Variants in COL5A1 observed in about 807,000 individuals in gnomAD.
COL5A1 encodes collagen alpha-1(V) chain.
Under a neutral mutation model 263.7 loss-of-function variants are expected in COL5A1, and 16 were observed. The ratio of observed to expected loss-of-function variants is 0.06; its 90% CI spans 0.04 to 0.09. COL5A1 has a LOEUF of 0.09. COL5A1 is among the 10% of genes least tolerant of loss of function. The probability of loss-of-function intolerance (pLI) is 1.00; values close to 1 mark genes in which losing one functional copy is unlikely to be tolerated. For synonymous variants in COL5A1, 1,012 were observed against 1,004.5 expected (o/e 1.01, Z -0.14); for missense variants, 2,036 against 2,540.5 (o/e 0.80, Z 4.27).
At chr9:134,719,608 G>A (rs977876898) in intron 4 of COL5A1, among the ~76,000 whole-genome samples, 3 of 152,254 alleles carry the variant, frequency 2.0e-5, no homozygotes, top group African/African-American at 7.2e-5. Flanking sequence ...CAGCAAGGGA[G>A]ACCCAGCACT....
At chr9:134,725,120 C>G (rs968951195) in intron 4 of COL5A1, among the ~76,000 whole-genome samples, 2 of 152,206 alleles carry the variant, frequency 1.3e-5, no homozygotes, top group African/African-American at 4.8e-5. Context: ...GGAGACGCCA[C>G]CGTCTCCAGG....
chr9:134,815,979 C>G lies in COL5A1; in HGVS notation c.4113C>G (p.Pro1371=). 3 of 1,614,038 alleles carry G rather than the reference C, an allele frequency of 1.9e-6. 1 individual carries two copies. Among genetic ancestry groups the G allele is most frequent in the Middle Eastern group, 3.3e-4 (2 of 6,060 alleles). ...PPGDKGDDGE[P]GQTGSPGPTG... The stretch of plus-strand genomic sequence containing the variant: ...GTGACAAAGGAGATGATGGTGAACC[C>G]GGGCAGACGGTGAGTCCACAATCTG... Residue 1371 remains proline, a synonymous_variant, in exon 52 of 66, where the codon CCC becomes CCG. Transcript: ENST00000371817.
intron 1 of COL5A1, among the ~76,000 whole-genome samples, chr9:134,667,427 CTGTT>C (rs1452596150): frequency 6.6e-6 from 1 of 152,214 alleles, no homozygotes. Flanking sequence ...GGGATGGGCT[CTGTT>C]TGGTCACTGG....
chr9:134,767,391 G>T (rs748257280), intron 24 of COL5A1, 37 bp downstream of exon 24: 2 of 1,601,002 alleles, frequency 1.2e-6, no homozygotes, highest in Non-Finnish European at 1.7e-6. Context: ...GCCACTGCCC[G>T]CCTGCAGGTG....
chr9:134,693,004 C>T (rs1404184814), intron 2 of COL5A1, among the ~76,000 whole-genome samples: 3 of 151,976 alleles, frequency 2.0e-5, no homozygotes, highest in African/African-American at 4.8e-5. Flanking sequence ...ACCTGGGAGG[C>T]GGAGGTTGCA....
Position 134,841,547 on chromosome 9 carries a change from TAA to T in COL5A1, c.5371-609_5371-608del, listed in dbSNP as rs1830102814. ...CCTGCCCTCTGTGCCTCAGTTTACC[TAA>T]GACTCCTCTAGACCAGATGGTGTGG... On this transcript the variant is annotated intron_variant, in intron 65 of 65. Coordinates refer to ENST00000371817, the MANE Select transcript of COL5A1 (RefSeq NM_000093.5). This position sits in a 1 kb window ranked among gnomAD's most constrained non-coding sequence, Gnocchi z 4.8. Among the ~76,000 whole-genome samples, 1 of 152,246 alleles carries T rather than the reference TAA, an allele frequency of 6.6e-6. No homozygotes were observed. The highest frequency in any genetic ancestry group is 2.4e-5 in the African/African-American group (1 of 41,556).
intron 25 of COL5A1, 108 bp downstream of exon 25, chr9:134,768,571 A>G (rs1200972501): frequency 8.6e-7 from 1 of 1,164,272 alleles, no homozygotes; most frequent in East Asian, 2.4e-5. Flanking sequence ...GCATTGACTC[A>G]TTCTGGCTCT....
At chr9:134,744,411 A>G (rs1406970955) in intron 11 of COL5A1, among the ~76,000 whole-genome samples, 1 of 152,008 alleles carries the variant, frequency 6.6e-6, no homozygotes, top group Non-Finnish European at 1.5e-5. Flanking sequence ...GTATATGCAC[A>G]CATGTACACA....
intron 23 of COL5A1, 61 bp from the exon 24 acceptor site, chr9:134,767,249 G>T: frequency 6.4e-7 from 1 of 1,559,162 alleles, no homozygotes. Context: ...CAGATGGCAG[G>T]GGAGGGTTCT....
intron 4 of COL5A1, among the ~76,000 whole-genome samples, chr9:134,720,592 T>C (rs1377218179): frequency 1.3e-5 from 2 of 152,108 alleles, no homozygotes; most frequent in Non-Finnish European, 2.9e-5. Context: ...AAGCCCTGGG[T>C]TGAGAAGGAT....
In COL5A1 at chr9:134,714,273, G is replaced by A. The variant is rs569103244; in HGVS notation, c.654+12940G>A. On this transcript the variant is annotated intron_variant, in intron 4 of 65. Coordinates refer to ENST00000371817, the MANE Select transcript of COL5A1 (RefSeq NM_000093.5). ...ACTGTTGATGATGGTGGTGGTGGTG[G>A]CGGAGGAGGTGGTGGTAGTGATGAT... Among the ~76,000 whole-genome samples the A allele has an allele frequency of 5.2e-3, 793 of 151,566 alleles. 8 individuals carry two copies. Among genetic ancestry groups the A allele is most frequent in the African/African-American group, 0.018 (749 of 41,314 alleles).
chr9:134,827,411 A>G (rs1839332745), intron 63 of COL5A1, among the ~76,000 whole-genome samples: 1 of 152,162 alleles, frequency 6.6e-6, no homozygotes, highest in Non-Finnish European at 1.5e-5. Context: ...TCCTAGTGAC[A>G]AACCCTGTTC....
intron 26 of COL5A1, among the ~76,000 whole-genome samples, chr9:134,773,191 G>A (rs1212794223): frequency 6.6e-6 from 1 of 152,032 alleles, no homozygotes; most frequent in Non-Finnish European, 1.5e-5. Flanking sequence ...TTGGGGAGAT[G>A]CTATTATGAA....
intron 27 of COL5A1, among the ~76,000 whole-genome samples, chr9:134,777,329 G>A (rs1026572888): frequency 6.6e-5 from 10 of 152,190 alleles, no homozygotes; most frequent in Admixed American, 3.3e-4. Context: ...GCTCCTTCCC[G>A]GGGCGGCTGG....
chr9:134,761,151 C>T lies in COL5A1; in HGVS notation c.1936-774C>T, dbSNP rs1443354140. Among the ~76,000 whole-genome samples, 13 of 146,466 alleles carry T rather than the reference C, an allele frequency of 8.9e-5. No individual in the cohort carries two copies. In the South Asian group the frequency reaches 1.1e-3, roughly 12 times the overall value. On this transcript the variant is annotated intron_variant, in intron 18 of 65. Transcript: ENST00000371817. ...CATACCCCCACATGCATACACGCCA[C>T]GCACACGCATACACACCTATACACA...
intron 48 of COL5A1, 35 bp from the exon 49 acceptor site, chr9:134,813,948 C>T: frequency 6.5e-7 from 1 of 1,549,548 alleles, no homozygotes; most frequent in Non-Finnish European, 8.7e-7. Flanking sequence ...TCGCGGTGCT[C>T]ACCGCTGCCA....
intron 52 of COL5A1, 29 bp downstream of exon 52, chr9:134,816,017 G>A (rs1275587563): frequency 3.1e-6 from 5 of 1,611,702 alleles, no homozygotes; most frequent in South Asian, 1.1e-5. Flanking sequence ...CTGGCTTCCT[G>A]GTGGAGGTGT....
chr9:134,674,707 AAAACCCTGTCTCTACG>A (rs1304095118), intron 1 of COL5A1, among the ~76,000 whole-genome samples: 1 of 152,144 alleles, frequency 6.6e-6, no homozygotes, highest in Non-Finnish European at 1.5e-5. Flanking sequence ...CCAACGTGGC[AAAACCCTGTCTCTACG>A]AAAAATACAA....
Position 134,774,892 on chromosome 9 carries a change from C to G in COL5A1, c.2365C>G (p.Pro789Ala). Residue 789 changes from proline to alanine, a missense_variant, in exon 27 of 66, where the codon CCA (proline) becomes GCA (alanine). Pro to Ala is a conservative substitution (Grantham distance 27). Coordinates refer to ENST00000371817, the MANE Select transcript of COL5A1 (RefSeq NM_000093.5). ...PPGPQGPIGY[P>A]GPRGVKGADG... Reference sequence around the variant, plus strand: ...TGGCCCCCAGGGTCCGATTGGCTACCCAGGTCCTCGAGGAGTCAAGGTGAG... The same window carrying G: ...TGGCCCCCAGGGTCCGATTGGCTACGCAGGTCCTCGAGGAGTCAAGGTGAG... The G allele has an allele frequency of 6.2e-7, 1 of 1,613,840 alleles. No homozygotes were observed. Among genetic ancestry groups the G allele is most frequent in the Non-Finnish European group, 8.5e-7 (1 of 1,179,890 alleles).
Sources: gnomAD v4.1 joint callset for allele counts (sites outside exome capture counted in the v4.1 genomes callset) on GRCh38, gnomAD v4.1.1 for gene constraint, Gnocchi (gnomAD v3.1) non-coding constraint, MANE v1.5 for transcripts, NCBI Gene and HGNC (gene_info 2026-07-23, HGNC 2026-07-21) for gene names.